Variants in AMZ2 observed in about 807,000 individuals in gnomAD.
AMZ2 encodes the protein archaelysin family metallopeptidase 2, also known as archaemetzincin-2.
AMZ2 carries 26 observed loss-of-function variants against 36.7 expected under a neutral mutation model. The ratio of observed to expected loss-of-function variants is 0.71; its 90% CI spans 0.52 to 0.98. AMZ2 has a LOEUF of 0.98. AMZ2 is among the 50% of genes least tolerant of loss of function. The pLI is 0.00. For synonymous variants in AMZ2, 144 were observed against 149.1 expected (o/e 0.97, Z 0.25); for missense variants, 394 against 430.5 (o/e 0.92, Z 0.75).
intron 1 of AMZ2, among the ~76,000 whole-genome samples, chr17:68,218,621 C>A (rs2073264418): frequency 6.6e-6 from 1 of 152,222 alleles, no homozygotes; most frequent in South Asian, 2.1e-4. Context: ...ACTTTAGTTG[C>A]CATCAGACCT....
chr17:68,243,216 C>T (rs1336377950), upstream of AMZ2, among the ~76,000 whole-genome samples: 6 of 151,688 alleles, frequency 4.0e-5, no homozygotes, highest in Non-Finnish European at 8.8e-5. Context: ...CTCACTGCAA[C>T]CTCCGTCTCC....
chr17:68,215,981 A>T (rs11657550), intron 1 of AMZ2, among the ~76,000 whole-genome samples: 11,580 of 151,634 alleles, frequency 0.076, 608 homozygotes, highest in East Asian at 0.29. Context: ...ACCTGTAAAA[A>T]GAAGTAGTTG....
intron 1 of AMZ2, among the ~76,000 whole-genome samples, chr17:68,219,169 G>A (rs1347109690): frequency 6.6e-6 from 1 of 152,172 alleles, no homozygotes; most frequent in Non-Finnish European, 1.5e-5. Flanking sequence ...GTTTCACCAT[G>A]TTGGCCAGGC....
chr17:68,250,721 T>C, intron 2 of AMZ2, 73 bp from the exon 3 acceptor site: 1 of 1,380,728 alleles, frequency 7.2e-7, no homozygotes, highest in Non-Finnish European at 9.8e-7. Context: ...ATTTGAATCT[T>C]CTTACTCATA....
intron 1 of AMZ2, among the ~76,000 whole-genome samples, chr17:68,227,772 T>C (rs2005776): frequency 0.14 from 21,836 of 152,064 alleles, 1,713 homozygotes; most frequent in East Asian, 0.29. Flanking sequence ...GAGGCTGAGG[T>C]GGGAGGATCA....
chr17:68,231,886 G>A (rs1371576803), intron 1 of AMZ2, among the ~76,000 whole-genome samples: 1 of 151,976 alleles, frequency 6.6e-6, no homozygotes, highest in African/African-American at 2.4e-5. Flanking sequence ...TTTTAATGTA[G>A]GTATATCCCA....
chr17:68,237,637 C>G lies in AMZ2; in HGVS notation c.-66-11003C>G, dbSNP rs1207150643. On this transcript the variant is annotated intron_variant, in intron 1 of 7. Coordinates refer to the AMZ2 transcript ENST00000674770. ...AGACAAGCTGTTAATGGCTCACGGT[C>G]CTAGGGTAACCCCCTCGGCTGGCAC... Among the ~76,000 whole-genome samples, 3 of 152,174 alleles carry G rather than the reference C, an allele frequency of 2.0e-5. No homozygotes were observed. In the East Asian group the frequency reaches 5.8e-4, roughly 29 times the overall value.
chr17:68,249,182 G>GT, intron 1 of AMZ2: 1 of 939,234 alleles, frequency 1.1e-6, no homozygotes, highest in Non-Finnish European at 1.3e-6. Context: ...CTAAGCTGTA[G>GT]TTTCTCAGCC....
upstream of AMZ2, chr17:68,248,017 T>A (rs1330576704): frequency 1.0e-6 from 1 of 986,060 alleles, no homozygotes; most frequent in East Asian, 1.1e-4. Context: ...GTAAGGGGCG[T>A]GGCGCCAGTG....
chr17:68,250,456 A>G lies in AMZ2; in HGVS notation c.269A>G (p.Tyr90Cys), dbSNP rs782323938. The G allele has an allele frequency of 1.1e-5, 18 of 1,613,952 alleles. No individual in the cohort carries two copies. The African/African-American group carries it at 2.4e-4, about 22-fold the overall frequency. The change falls in exon 2 of 7, where the codon TAT (tyrosine) becomes TGT (cysteine). Residue 90 changes from tyrosine to cysteine, a missense_variant. Tyr to Cys is a radical substitution (Grantham distance 194). Coordinates refer to ENST00000359904, the MANE Select transcript of AMZ2 (RefSeq NM_016627.5). ...CCCTCTCCAAACAAACGCAGCATTT[A>G]TATACAGTCCATTGGTAAATACTGG... ...KTPSPNKRSI[Y>C]IQSIGSLGNT...
chr17:68,210,805 A>G (rs1288690636), intron 1 of AMZ2, among the ~76,000 whole-genome samples: 8 of 151,898 alleles, frequency 5.3e-5, no homozygotes, highest in African/African-American at 1.9e-4. Context: ...AAAATTAGCC[A>G]GGTGTGGTGG....
At chr17:68,246,806 T>A (rs1169879192), upstream of AMZ2, 1 of 152,008 alleles carries the variant, frequency 6.6e-6, no homozygotes, top group African/African-American at 2.4e-5. Flanking sequence ...CAACAAGGGG[T>A]TACAAATGCT....
intron 1 of AMZ2, among the ~76,000 whole-genome samples, chr17:68,227,131 A>C (rs1239378428): frequency 6.6e-6 from 1 of 152,112 alleles, no homozygotes; most frequent in African/African-American, 2.4e-5. Context: ...AGCTGGGGAC[A>C]GAGTGGCAGA....
intron 5 of AMZ2, among the ~76,000 whole-genome samples, chr17:68,254,967 C>T (rs1187788160): frequency 5.3e-5 from 8 of 152,206 alleles, no homozygotes; most frequent in Admixed American, 1.3e-4. Context: ...TCCAGGTTAC[C>T]CTCGACTGTA....
At chr17:68,255,989 A>G in intron 6 of AMZ2, 113 bp downstream of exon 6, 1 of 1,169,514 alleles carries the variant, frequency 8.6e-7, no homozygotes, top group African/African-American at 1.5e-5. Flanking sequence ...AAATTAGTGT[A>G]AAGATAAGCA....
intron 1 of AMZ2, among the ~76,000 whole-genome samples, chr17:68,216,091 A>G (rs1555727168): frequency 6.6e-6 from 1 of 152,056 alleles, no homozygotes; most frequent in Non-Finnish European, 1.5e-5. Context: ...AAACCTCCCA[A>G]CAGCCCAATA....
intron 5 of AMZ2, 151 bp downstream of exon 5, chr17:68,254,718 A>G (rs1555741861): frequency 3.0e-6 from 2 of 677,880 alleles, no homozygotes; most frequent in Non-Finnish European, 4.8e-6. Context: ...AATGATCAGT[A>G]AAACAATTTA....
intron 2 of AMZ2, 92 bp downstream of exon 2, chr17:68,250,562 C>T (rs1450155537): frequency 1.2e-5 from 17 of 1,467,910 alleles, no homozygotes; most frequent in African/African-American, 4.2e-5. Flanking sequence ...TCAGATGGGC[C>T]GTTTTAGGAT....
intron 1 of AMZ2, among the ~76,000 whole-genome samples, chr17:68,209,630 A>ATT (rs1339157573): frequency 7.1e-5 from 7 of 98,480 alleles, no homozygotes; most frequent in East Asian, 3.4e-4. Context: ...ATATATATAT[A>ATT]TATTTTTTTT....
Sources: gnomAD v4.1 joint callset for allele counts (sites outside exome capture counted in the v4.1 genomes callset) on GRCh38, gnomAD v4.1.1 for gene constraint, MANE v1.5 for transcripts, NCBI Gene and HGNC (gene_info 2026-07-23, HGNC 2026-07-21) for gene names.